RBFOX1: variants seen among roughly 807,000 people sequenced by gnomAD.
RBFOX1 encodes the protein RNA binding protein fox-1 homolog 1.
RBFOX1 carries 8 observed loss-of-function variants against 57.7 expected under a neutral mutation model. That is an observed-to-expected ratio of 0.14 (90% CI 0.08 to 0.25). The LOEUF (loss-of-function observed/expected upper bound fraction) is 0.25, where lower values mean the gene tolerates loss of function less well. RBFOX1 is among the 10% of genes least tolerant of loss of function. The pLI is 1.00. For synonymous variants in RBFOX1, 326 were observed against 222.4 expected, an observed-to-expected ratio of 1.47 and a Z score of -4.15; for missense variants, 611 against 548.5, an observed-to-expected ratio of 1.11 and a Z score of -1.14.
chr16:6,761,143 A>C (rs1374498670), intron 3 of RBFOX1, among the ~76,000 whole-genome samples: 1 of 152,200 alleles, frequency 6.6e-6, no homozygotes, highest in Non-Finnish European at 1.5e-5. Context: ...TTTCATCATG[A>C]TGACTTTGAT....
chr16:6,141,186 C>A (rs1305388732), intron 1 of RBFOX1, among the ~76,000 whole-genome samples: 1 of 152,232 alleles, frequency 6.6e-6, no homozygotes, highest in Non-Finnish European at 1.5e-5. Context: ...TAGCCCATCA[C>A]CATGGCCGCT....
At position 5,264,640 on chromosome 16, in the gene RBFOX1, G is replaced by A. The variant is rs373794475; in HGVS notation, c.219+24535G>A. Among the ~76,000 whole-genome samples the A allele has an allele frequency of 1.1e-3, 164 of 152,228 alleles. 7 individuals carry two copies. The South Asian group carries it at 0.032, about 30-fold the overall frequency. ...ATGCCATGGGGTAGAAATTTGTCAT[G>A]TATCCAATTCTCCTGTCTTCATGCA... On this transcript the variant is annotated intron_variant, in intron 1 of 2. Coordinates refer to the RBFOX1 transcript ENST00000585867.
chr16:7,145,799 C>T (rs1424256842), intron 4 of RBFOX1, among the ~76,000 whole-genome samples: 1 of 152,198 alleles, frequency 6.6e-6, no homozygotes. Context: ...ATACCTCTCT[C>T]TGTTTGTGTT....
chr16:5,299,584 A>C (rs977220570), intron 1 of RBFOX1, among the ~76,000 whole-genome samples: 1 of 152,206 alleles, frequency 6.6e-6, no homozygotes, highest in East Asian at 1.9e-4. Flanking sequence ...GTTCTCACCA[A>C]CATCTGCCCT....
At chr16:6,578,674 C>T (rs1230785085) in intron 2 of RBFOX1, among the ~76,000 whole-genome samples, 6 of 139,778 alleles carry the variant, frequency 4.3e-5, no homozygotes, top group Non-Finnish European at 8.0e-5. Flanking sequence ...AGAGAGAACC[C>T]CAGAGAGAGA....
chr16:6,503,042 T>G (rs1304143291), intron 2 of RBFOX1, among the ~76,000 whole-genome samples: 1 of 152,178 alleles, frequency 6.6e-6, no homozygotes, highest in Non-Finnish European at 1.5e-5. Context: ...AGTAGTATAA[T>G]ATGTATTTAT....
chr16:7,460,824 G>A (rs546757681), intron 4 of RBFOX1, among the ~76,000 whole-genome samples: 7 of 152,238 alleles, frequency 4.6e-5, no homozygotes, highest in African/African-American at 1.4e-4. Flanking sequence ...TGCATTTCCA[G>A]CCTCCCTCCC....
At chr16:7,157,387 T>G (rs373154128) in intron 4 of RBFOX1, among the ~76,000 whole-genome samples, 1 of 152,100 alleles carries the variant, frequency 6.6e-6, no homozygotes, top group Admixed American at 6.6e-5. Flanking sequence ...AAATGGAAGG[T>G]TGCAGCCCAT....
Position 6,346,899 on chromosome 16 carries a change from CA to C in RBFOX1, c.-64+29843del, listed in dbSNP as rs2085466162. Among the ~76,000 whole-genome samples, 5 of 152,176 alleles carry C rather than the reference CA, an allele frequency of 3.3e-5. No homozygotes were observed. In the Middle Eastern group the frequency reaches 0.01, roughly 311 times the overall value. On this transcript the variant is annotated intron_variant, in intron 2 of 15. Transcript: ENST00000550418. ...GAATTATGGGAGAGCACTACCTCAA[CA>C]GAGTCTTGGTGGTGTTCCAGGAGGA...
intron 2 of RBFOX1, among the ~76,000 whole-genome samples, chr16:6,431,953 CTTTCTTT>C (rs2094111941): frequency 7.9e-6 from 1 of 127,346 alleles, no homozygotes; most frequent in Non-Finnish European, 1.8e-5. Context: ...TTCTTTCTTT[CTTTCTTT>C]CTTTTTCTTT....
At chr16:7,094,628 GT>G (rs5815365) in intron 4 of RBFOX1, among the ~76,000 whole-genome samples, 86,625 of 140,848 alleles carry the variant, frequency 0.62, 26,711 homozygotes, top group South Asian at 0.66. Flanking sequence ...TTCTTTTGAA[GT>G]TTTTTTTTTT....
At chr16:6,845,482 A>T (rs2093705942) in intron 3 of RBFOX1, among the ~76,000 whole-genome samples, 1 of 152,078 alleles carries the variant, frequency 6.6e-6, no homozygotes, top group African/African-American at 2.4e-5. Flanking sequence ...CAAAGATCAG[A>T]TGGATGGGGG....
At chr16:6,671,856 T>C (rs556195449) in intron 3 of RBFOX1, among the ~76,000 whole-genome samples, 1 of 152,280 alleles carries the variant, frequency 6.6e-6, no homozygotes, top group East Asian at 1.9e-4. Flanking sequence ...ATTATAAGAG[T>C]TCATGAAATT....
intron 4 of RBFOX1, among the ~76,000 whole-genome samples, chr16:7,515,976 C>T (rs1357414025): frequency 6.6e-6 from 1 of 152,122 alleles, no homozygotes; most frequent in Non-Finnish European, 1.5e-5. Context: ...TCCGGAGTAG[C>T]TAAGATTACA....
At chr16:6,455,283 T>C (rs1385238814) in intron 2 of RBFOX1, among the ~76,000 whole-genome samples, 1 of 152,120 alleles carries the variant, frequency 6.6e-6, no homozygotes, top group African/African-American at 2.4e-5. Context: ...CTGAGAGACC[T>C]GAACAACCTA....
rs34643206 is a variant in RBFOX1 at position 6,455,049 on chromosome 16, A to AT, written c.-64+138009dup. Among the ~76,000 whole-genome samples, 705 of 142,448 alleles carry AT rather than the reference A, an allele frequency of 4.9e-3. 16 individuals are homozygous for AT. The East Asian group carries it at 0.076, about 15-fold the overall frequency. The allele number at this position is 142,448 out of a possible 152,430, so 93.5% of individuals were successfully genotyped here. A position where few individuals can be genotyped will look rare whatever the true frequency, so the allele number is the denominator to read the frequency against. On this transcript the variant is annotated intron_variant, in intron 2 of 15. Coordinates refer to ENST00000550418, the MANE Select transcript of RBFOX1 (RefSeq NM_018723.4). ...AGGCACCCACTACCATGCCTGGCTA[A>AT]TTTTTTTTTTTTTTTTTGTATTTTT...
chr16:6,632,853 T>C (rs906522734), intron 2 of RBFOX1, among the ~76,000 whole-genome samples: 12 of 152,202 alleles, frequency 7.9e-5, no homozygotes, highest in African/African-American at 2.7e-4. Flanking sequence ...TCTTAAAACC[T>C]GTTAACCTTA....
intron 3 of RBFOX1, among the ~76,000 whole-genome samples, chr16:6,719,665 C>G (rs1159203677): frequency 6.6e-6 from 1 of 151,244 alleles, no homozygotes; most frequent in Non-Finnish European, 1.5e-5. Context: ...CTAGGATGGT[C>G]TTGATCTCCT....
chr16:7,223,800 G>A (rs145967231), intron 4 of RBFOX1, among the ~76,000 whole-genome samples: 1 of 142,472 alleles, frequency 7.0e-6, no homozygotes, highest in Non-Finnish European at 1.5e-5. Flanking sequence ...TGATAGAAAT[G>A]GGAGCACTTC....
Sources: gnomAD v4.1 joint callset for allele counts (sites outside exome capture counted in the v4.1 genomes callset) on GRCh38, gnomAD v4.1.1 for gene constraint, MANE v1.5 for transcripts, NCBI Gene and HGNC (gene_info 2026-07-23, HGNC 2026-07-21) for gene names.